The following MCTP2 variants were observed in gnomAD, a reference collection of about 807,000 sequenced individuals.
The protein encoded by MCTP2 is multiple C2 and transmembrane domain-containing protein 2.
In MCTP2, 132 loss-of-function variants were observed where a neutral mutation model predicts 111.6. That is an observed-to-expected ratio of 1.18 (90% confidence interval 1.03 to 1.37). The LOEUF (loss-of-function observed/expected upper bound fraction) is 1.37. Ranked by LOEUF, MCTP2 falls within the 40% of genes most tolerant of loss-of-function variation. MCTP2 has a pLI of 0.00. For synonymous variants in MCTP2, 395 were observed against 387.7 expected, an observed-to-expected ratio of 1.02 and a Z score of -0.22; for missense variants, 1,183 against 1,067.9, an observed-to-expected ratio of 1.11 and a Z score of -1.50.
intron 4 of MCTP2, among the ~76,000 whole-genome samples, chr15:94,322,307 T>C (rs2152378037): frequency 6.6e-6 from 1 of 152,124 alleles, no homozygotes; most frequent in East Asian, 1.9e-4. Context: ...TTGAATTTTT[T>C]TTTTTTTAGG....
chr15:94,402,083 A>T (rs1337967680), intron 17 of MCTP2, 64 bp downstream of exon 17: 23 of 1,584,814 alleles, frequency 1.5e-5, no homozygotes, highest in African/African-American at 1.4e-5. Context: ...TCTTTCTGAA[A>T]TATATTACAG....
At chr15:94,245,095 TG>T (rs1255118512) in intron 1 of MCTP2, among the ~76,000 whole-genome samples, 1 of 149,726 alleles carries the variant, frequency 6.7e-6, no homozygotes, top group African/African-American at 2.4e-5. Flanking sequence ...CACATACATA[TG>T]TACCTATGTT....
chr15:94,248,047 G>C (rs1182912975), intron 1 of MCTP2, among the ~76,000 whole-genome samples: 1 of 152,116 alleles, frequency 6.6e-6, no homozygotes, highest in Non-Finnish European at 1.5e-5. Flanking sequence ...TGGATCCTTA[G>C]GGCCATCAAG....
chr15:94,472,812 G>T (rs1321441378), intron 21 of MCTP2, among the ~76,000 whole-genome samples: 2 of 152,184 alleles, frequency 1.3e-5, no homozygotes, highest in African/African-American at 2.4e-5. Flanking sequence ...CTGTAATTCT[G>T]TTAGGACTTA....
chr15:94,231,887 G>A (rs1036819922), intron 1 of MCTP2: 1 of 152,378 alleles, frequency 6.6e-6, no homozygotes, highest in Non-Finnish European at 1.5e-5. Flanking sequence ...GTACTGGAAG[G>A]CGCACTAGGG....
At chr15:94,299,633 G>T (rs1343058918) in intron 2 of MCTP2, among the ~76,000 whole-genome samples, 1 of 152,228 alleles carries the variant, frequency 6.6e-6, no homozygotes, top group Non-Finnish European at 1.5e-5. Flanking sequence ...AGTGACTGAT[G>T]TAATTAGTTG....
chr15:94,275,560 C>CTATT (rs10624651), intron 1 of MCTP2, among the ~76,000 whole-genome samples: 2 of 151,936 alleles, frequency 1.3e-5, no homozygotes, highest in Non-Finnish European at 2.9e-5. Context: ...TCTCCACTGT[C>CTATT]TTTTTCTATT....
intron 14 of MCTP2, among the ~76,000 whole-genome samples, chr15:94,392,884 A>G (rs1387838370): frequency 6.6e-6 from 1 of 152,082 alleles, no homozygotes; most frequent in Non-Finnish European, 1.5e-5. Context: ...TATTCCCTCT[A>G]TTTTCTCATC....
intron 2 of MCTP2, among the ~76,000 whole-genome samples, 196 bp downstream of exon 2, chr15:94,298,926 TCTTTCC>T: frequency 3.6e-5 from 1 of 27,398 alleles, no homozygotes; most frequent in Non-Finnish European, 6.0e-5. Flanking sequence ...TCCCTCTCCC[TCTTTCC>T]CTCTCCCTCT....
chr15:94,428,343 T>C (rs2082992653), intron 17 of MCTP2, among the ~76,000 whole-genome samples: 1 of 152,230 alleles, frequency 6.6e-6, no homozygotes, highest in Admixed American at 6.5e-5. Context: ...CTTTCCCTGT[T>C]GCTTTGAGGA....
intron 4 of MCTP2, among the ~76,000 whole-genome samples, chr15:94,338,157 T>A (rs757689290): frequency 2.0e-5 from 3 of 152,232 alleles, no homozygotes; most frequent in Non-Finnish European, 4.4e-5. Context: ...TTCATTTCAA[T>A]AAATATTCTG....
chr15:94,446,271 C>T (rs1365226237), intron 19 of MCTP2, among the ~76,000 whole-genome samples: 1 of 152,180 alleles, frequency 6.6e-6, no homozygotes, highest in African/African-American at 2.4e-5. Context: ...ATCCTCCTTT[C>T]TAATACCTGA....
intron 1 of MCTP2, among the ~76,000 whole-genome samples, chr15:94,267,869 C>CTTTTTATTTTTTTTT (rs1555443741): frequency 1.3e-5 from 1 of 77,454 alleles, no homozygotes; most frequent in Admixed American, 1.8e-4. Flanking sequence ...CCTTTTCTTT[C>CTTTTTATTTTTTTTT]TTTTTTTTTT....
chr15:94,374,799 G>A (rs2079668428), intron 12 of MCTP2, among the ~76,000 whole-genome samples: 1 of 152,070 alleles, frequency 6.6e-6, no homozygotes, highest in Non-Finnish European at 1.5e-5. Flanking sequence ...TGGAAACTTA[G>A]GGGAGTTTAC....
In MCTP2 at chr15:94,358,640, G is replaced by A. The variant is rs2078758958; in HGVS notation, c.1301+28G>A. On this transcript the variant is annotated intron_variant, in intron 10 of 22. Coordinates refer to ENST00000357742, the MANE Select transcript of MCTP2 (RefSeq NM_001385001.1). ...GAGTCCCCTCTGCTTTCCAGTGGCG[G>A]GAGCATGTTTCTGCATGGGGCTGGT... 15 of 1,611,266 alleles carry A rather than the reference G, an allele frequency of 9.3e-6. No homozygotes were observed. In the East Asian group the frequency reaches 3.4e-4, roughly 36 times the overall value.
chr15:94,250,174 C>T (rs940259177), intron 1 of MCTP2, among the ~76,000 whole-genome samples: 5 of 152,136 alleles, frequency 3.3e-5, no homozygotes, highest in African/African-American at 1.2e-4. Context: ...TTCCAGGTGA[C>T]TACATAGCAT....
At chr15:94,345,787 TAA>T (rs930743471) in intron 8 of MCTP2, among the ~76,000 whole-genome samples, 8 of 152,146 alleles carry the variant, frequency 5.3e-5, no homozygotes, top group African/African-American at 1.9e-4. Context: ...AGTGTAAAAA[TAA>T]ACACAGCAAA....
At position 94,479,038 on chromosome 15, in the gene MCTP2, A is replaced by C; in HGVS notation, c.*4A>C. The C allele has an allele frequency of 6.2e-7, 1 of 1,613,978 alleles. No homozygotes were observed. On this transcript the variant is annotated 3_prime_UTR_variant, in exon 23 of 23. Transcript: ENST00000357742. ...GAAGAAGCGCAGCGCTCTCTAGGGC[A>C]CACACCGACTTTGGACAGCAGCACC...
At chr15:94,344,345 G>A (rs2077842116) in intron 7 of MCTP2, among the ~76,000 whole-genome samples, 2 of 152,166 alleles carry the variant, frequency 1.3e-5, no homozygotes, top group Non-Finnish European at 2.9e-5. Context: ...AAGAAAAATA[G>A]TAAATGTGGT....
Sources: allele counts gnomAD v4.1 joint callset (sites outside exome capture counted in the v4.1 genomes callset), GRCh38; gene constraint gnomAD v4.1.1; transcripts MANE v1.5; gene names NCBI Gene and HGNC (gene_info 2026-07-23, HGNC 2026-07-21).